Variants in TRAM2 observed in about 807,000 individuals in gnomAD.
TRAM2 encodes the protein translocating chain-associated membrane protein 2.
TRAM2 carries 12 observed loss-of-function variants against 51.0 expected under a neutral mutation model. That is an observed-to-expected ratio of 0.24 (90% CI 0.15 to 0.38). TRAM2 has a LOEUF of 0.38. TRAM2 is among the 10% of genes least tolerant of loss of function. The probability of loss-of-function intolerance (pLI) is 1.00; values close to 1 mark genes in which losing one functional copy is unlikely to be tolerated. For synonymous variants in TRAM2, 175 were observed against 179.4 expected (o/e 0.98, Z 0.20); for missense variants, 361 against 462.0 (o/e 0.78, Z 2.00).
At chr6:52,535,502 G>C (rs769457843) in intron 2 of TRAM2, among the ~76,000 whole-genome samples, 34 of 152,208 alleles carry the variant, frequency 2.2e-4, no homozygotes, top group Non-Finnish European at 4.4e-5. Flanking sequence ...CCAACATGGT[G>C]AAATTCCTTC....
chr6:52,563,060 C>T (rs1044977161), intron 1 of TRAM2, among the ~76,000 whole-genome samples: 12 of 152,160 alleles, frequency 7.9e-5, no homozygotes, highest in Admixed American at 2.6e-4. Flanking sequence ...TGCCTGTATA[C>T]GTACAAAATG....
chr6:52,513,989 G>A (rs1238210846), intron 4 of TRAM2, among the ~76,000 whole-genome samples: 2 of 152,152 alleles, frequency 1.3e-5, no homozygotes, highest in Non-Finnish European at 2.9e-5. Flanking sequence ...CTTTGTTGTG[G>A]AGGCTGTCCT....
At chr6:52,565,546 A>C (rs1418318049) in intron 1 of TRAM2, among the ~76,000 whole-genome samples, 5 of 152,172 alleles carry the variant, frequency 3.3e-5, no homozygotes, top group Non-Finnish European at 5.9e-5. Context: ...CTTGGTAAGA[A>C]GACCCCTAGA....
intron 2 of TRAM2, among the ~76,000 whole-genome samples, chr6:52,534,080 C>T (rs12194031): frequency 0.41 from 57,230 of 139,360 alleles, 11,433 homozygotes; most frequent in Admixed American, 0.54. Flanking sequence ...AGGGAAACTC[C>T]GTCCAAAAAA....
chr6:52,511,837 A>G (rs979733726), intron 4 of TRAM2, among the ~76,000 whole-genome samples: 2 of 152,200 alleles, frequency 1.3e-5, no homozygotes, highest in Non-Finnish European at 2.9e-5. Context: ...TTAGAAGGAA[A>G]TGATCTCACT....
At chr6:52,528,244 T>C (rs1177816290) in intron 2 of TRAM2, among the ~76,000 whole-genome samples, 2 of 152,144 alleles carry the variant, frequency 1.3e-5, no homozygotes, top group Non-Finnish European at 2.9e-5. Flanking sequence ...TCAGTTTCCT[T>C]GGCTATAAAA....
intron 2 of TRAM2, among the ~76,000 whole-genome samples, chr6:52,520,734 C>T (rs1766656913): frequency 6.6e-6 from 1 of 152,166 alleles, no homozygotes; most frequent in Non-Finnish European, 1.5e-5. Flanking sequence ...AATGCCACCT[C>T]AAGGTCAACA....
At chr6:52,567,787 G>C (rs1425987010) in intron 1 of TRAM2, among the ~76,000 whole-genome samples, 1 of 152,186 alleles carries the variant, frequency 6.6e-6, no homozygotes, top group Non-Finnish European at 1.5e-5. Flanking sequence ...CATGGGTTCT[G>C]CTAAGACATA....
chr6:52,505,655 G>T lies in TRAM2; in HGVS notation c.819C>A (p.Arg273=), dbSNP rs1363036876. 1 of 1,613,666 alleles carries T rather than the reference G, an allele frequency of 6.2e-7. No homozygotes were observed. Among genetic ancestry groups the T allele is most frequent in the Non-Finnish European group, 8.5e-7 (1 of 1,179,652 alleles). The part of the protein sequence containing the change: ...AVLAIGFGLA[R]MENQAFDPEK... ...CGGGATCAAATGCCTGGTTTTCCAT[G>T]CGAGCCAGTCCAAAGCCAATGGCCA... Residue 273 remains arginine (R), a synonymous_variant, in exon 9 of 11, where the codon CGC becomes CGA. Transcript: ENST00000182527.
At chr6:52,512,746 C>A (rs1170173577) in intron 4 of TRAM2, among the ~76,000 whole-genome samples, 1 of 152,226 alleles carries the variant, frequency 6.6e-6, no homozygotes, top group African/African-American at 2.4e-5. Flanking sequence ...TGAACAAACA[C>A]AACCACGAAG....
At chr6:52,571,388 T>G (rs150308926) in intron 1 of TRAM2, among the ~76,000 whole-genome samples, 99 of 152,278 alleles carry the variant, frequency 6.5e-4, no homozygotes, top group African/African-American at 2.3e-3. Context: ...TAGCAACACA[T>G]GTTATTCTAC....
At chr6:52,569,729 T>C (rs1037423337) in intron 1 of TRAM2, among the ~76,000 whole-genome samples, 2 of 152,008 alleles carry the variant, frequency 1.3e-5, no homozygotes, top group Admixed American at 1.3e-4. Context: ...TAAGCTACCA[T>C]ACTAAGACCT....
At chr6:52,553,964 G>T (rs1215723055) in intron 1 of TRAM2, among the ~76,000 whole-genome samples, 1 of 151,920 alleles carries the variant, frequency 6.6e-6, no homozygotes, top group South Asian at 2.1e-4. Flanking sequence ...TAACAAATAC[G>T]TGCTGATAAG....
chr6:52,535,800 A>T lies in TRAM2; in HGVS notation c.167T>A (p.Ile56Asn), dbSNP rs975184079. 3 of 1,614,022 alleles carry T rather than the reference A, an allele frequency of 1.9e-6. No homozygotes were observed. The highest frequency in any genetic ancestry group is 2.5e-6 in the Non-Finnish European group (3 of 1,179,902). Residue 56 changes from isoleucine to asparagine, a missense_variant, in exon 2 of 11, where the codon ATT (isoleucine) becomes AAT (asparagine). By Grantham distance (149) the Ile-to-Asn change is moderately radical. Coordinates refer to ENST00000182527, the MANE Select transcript of TRAM2 (RefSeq NM_012288.4). ...ATTCTTACCTGCTGTAGGCACGCTAATGTTATACTGAGGTAAAATAAATAG... is the reference window on the plus strand; with the variant it reads ...ATTCTTACCTGCTGTAGGCACGCTATTGTTATACTGAGGTAAAATAAATAG... ...AFLFILPQYN[I>N]SVPTADSETV...
chr6:52,503,578 C>T (rs1766282492), intron 10 of TRAM2, among the ~76,000 whole-genome samples: 1 of 152,112 alleles, frequency 6.6e-6, no homozygotes, highest in South Asian at 2.1e-4. Flanking sequence ...GGCCAGCCTG[C>T]CCAAGCCTGA....
chr6:52,573,204 C>A (rs1310450590), intron 1 of TRAM2, among the ~76,000 whole-genome samples: 1 of 152,120 alleles, frequency 6.6e-6, no homozygotes, highest in African/African-American at 2.4e-5. Context: ...TCTTCCCCTG[C>A]CTGTTTCAAT....
At chr6:52,576,725 T>C (rs905940814) in intron 1 of TRAM2, 71 bp downstream of exon 1, 36 of 1,567,066 alleles carry the variant, frequency 2.3e-5, no homozygotes, top group Admixed American at 3.8e-5. Context: ...CCCGCTGACC[T>C]GCAGGGGTGT....
chr6:52,511,728 C>T (rs1049736071), intron 4 of TRAM2, among the ~76,000 whole-genome samples: 2 of 152,200 alleles, frequency 1.3e-5, no homozygotes, highest in Non-Finnish European at 2.9e-5. Flanking sequence ...TAGTCCACGG[C>T]CCTAATCCCA....
intron 1 of TRAM2, among the ~76,000 whole-genome samples, chr6:52,539,320 G>A (rs1181415788): frequency 6.6e-6 from 1 of 152,148 alleles, no homozygotes; most frequent in Non-Finnish European, 1.5e-5. Flanking sequence ...TGTGAGTGTT[G>A]GGCAACCCAA....
Sources: allele counts gnomAD v4.1 joint callset (sites outside exome capture counted in the v4.1 genomes callset), GRCh38; gene constraint gnomAD v4.1.1; transcripts MANE v1.5; gene names NCBI Gene and HGNC (gene_info 2026-07-23, HGNC 2026-07-21).